Variants in SPATA31D1 observed in about 807,000 individuals in gnomAD.
SPATA31D1 encodes SPATA31 subfamily D member 1, also known as spermatogenesis-associated protein 31D1.
Under a neutral mutation model 13.2 loss-of-function variants are expected in SPATA31D1, and 6 were observed. That is an observed-to-expected ratio of 0.46 (90% CI 0.25 to 0.90). The LOEUF (loss-of-function observed/expected upper bound fraction) is 0.90, where lower values mean the gene tolerates loss of function less well. Ranked by LOEUF, SPATA31D1 falls within the 40% of genes least tolerant of loss-of-function variation. The pLI is 0.18. For synonymous variants in SPATA31D1, 903 were observed against 718.8 expected (o/e 1.26, Z -4.10); for missense variants, 2,445 against 1,884.7 (o/e 1.30, Z -5.50).
rs1824951490 is a variant in SPATA31D1, at chr9:81,991,200, C to G, written c.730C>G (p.Pro244Ala). ...AGACCATTCCCCACCCCAACAGCTT[C>G]CCTTTCCCCTTCTCCCACCACATCA... ...PIDHSPPQQL[P>A]FPLLPPHHIE... Residue 244 changes from proline to alanine, a missense_variant, in exon 4 of 4, where the codon CCC (proline) becomes GCC (alanine). Pro to Ala is a conservative substitution (Grantham distance 27). Transcript: ENST00000344803. The G allele has an allele frequency of 6.2e-7, 1 of 1,613,990 alleles. No individual in the cohort carries two copies. The highest frequency in any genetic ancestry group is 2.2e-5 in the East Asian group (1 of 44,860).
chr9:81,987,937 A>G (rs1253959302), upstream of SPATA31D1, among the ~76,000 whole-genome samples: 2 of 152,218 alleles, frequency 1.3e-5, no homozygotes, highest in African/African-American at 4.8e-5. Flanking sequence ...AATTTCTGCC[A>G]CGTTTCAACC....
chr9:81,993,642 C>G lies in SPATA31D1; in HGVS notation c.3172C>G (p.Gln1058Glu), dbSNP rs1298790516. Residue 1058 changes from glutamine to glutamate, a missense_variant, in exon 4 of 4, where the codon CAA (glutamine) becomes GAA (glutamate). Physicochemically the swap from Gln to Glu is conservative, Grantham distance 29. Coordinates refer to ENST00000344803, the MANE Select transcript of SPATA31D1 (RefSeq NM_001001670.3). Reference sequence around the variant, plus strand: ...TTACCTTGTCACTTCACCTGTCAACCAAGAAAAGCAGGGGACCCTGAGAAG... The same window carrying G: ...TTACCTTGTCACTTCACCTGTCAACGAAGAAAAGCAGGGGACCCTGAGAAG... ...HSYLVTSPVN[Q>E]EKQGTLRREF... 3 of 1,613,958 alleles carry G rather than the reference C, an allele frequency of 1.9e-6. No homozygotes were observed. Among genetic ancestry groups the G allele is most frequent in the Non-Finnish European group, 2.5e-6 (3 of 1,179,864 alleles).
rs1191132874 is a variant in SPATA31D1, at chr9:81,990,626, G to C, written c.302+140G>C. 4 of 1,327,480 alleles carry C rather than the reference G, an allele frequency of 3.0e-6. No homozygotes were observed. The African/African-American group carries it at 5.9e-5, about 20-fold the overall frequency. 82.2% of individuals were successfully genotyped at this position (1,327,480 alleles called of 1,614,324 possible). A position where few individuals can be genotyped will look rare whatever the true frequency, so the allele number is the denominator to read the frequency against. On this transcript the variant is annotated intron_variant, in intron 3 of 3. Coordinates refer to ENST00000344803, the MANE Select transcript of SPATA31D1 (RefSeq NM_001001670.3). ...TAGGAATGGGTATGTGAATGAATGT[G>C]TTGGGGAGAGGCTATAGTGAGGTCA...
chr9:81,993,215 G>A lies in SPATA31D1; in HGVS notation c.2745G>A (p.Leu915=), dbSNP rs932613666. 5 of 1,613,850 alleles carry A rather than the reference G, an allele frequency of 3.1e-6. No homozygotes were observed. The Admixed American group carries it at 8.3e-5, about 27-fold the overall frequency. ...AHIKTFRMRM[L]WGLPLKVLES... ...TTAAAACTTTCCGTATGAGGATGCT[G>A]TGGGGCCTTCCCCTCAAGGTCCTTG... The change falls in exon 4 of 4, where the codon CTG becomes CTA. Residue 915 remains leucine, a synonymous_variant. Coordinates refer to ENST00000344803, the MANE Select transcript of SPATA31D1 (RefSeq NM_001001670.3).
Position 81,992,987 on chromosome 9 carries a change from G to A in SPATA31D1, c.2517G>A (p.Glu839=). The A allele has an allele frequency of 6.2e-7, 1 of 1,613,780 alleles. No individual in the cohort carries two copies. Among genetic ancestry groups the A allele is most frequent in the Non-Finnish European group, 8.5e-7 (1 of 1,179,726 alleles). ...CAGTACGTTTGAGCAAGAAATTTGA[G>A]GAAATCAATGAGGGTCGAATGCCTG... is the stretch of plus-strand genomic sequence containing the variant. ...ALTVRLSKKF[E]EINEGRMPGT... Residue 839 remains glutamate (E), a synonymous_variant, in exon 4 of 4, where the codon GAG becomes GAA. Coordinates refer to ENST00000344803, the MANE Select transcript of SPATA31D1 (RefSeq NM_001001670.3).
At chr9:81,989,194 C>A (rs1403410677) in intron 1 of SPATA31D1, among the ~76,000 whole-genome samples, 190 bp downstream of exon 1, 1 of 152,172 alleles carries the variant, frequency 6.6e-6, no homozygotes, top group Non-Finnish European at 1.5e-5. Context: ...ACTAAGGTTT[C>A]CATCTGAAGC....
Position 81,994,402 on chromosome 9 carries a change from T to G in SPATA31D1, c.3932T>G (p.Leu1311Arg). 1 of 1,613,912 alleles carries G rather than the reference T, an allele frequency of 6.2e-7. No homozygotes were observed. Among genetic ancestry groups the G allele is most frequent in the Non-Finnish European group, 8.5e-7 (1 of 1,179,852 alleles). Residue 1311 changes from leucine (L) to arginine (R), a missense_variant, in exon 4 of 4, where the codon CTG becomes CGG. By Grantham distance (102) the Leu-to-Arg change is moderately radical (BLOSUM62 -2). Transcript: ENST00000344803. ...GGELDGGDAG[L>R]GTSQRRRKSL... ...GAGCTTGATGGAGGGGATGCAGGGC[T>G]GGGGACATCCCAACGCAGGAGAAAG...
Position 81,993,797 on chromosome 9 carries a change from T to TA in SPATA31D1, c.3328dup (p.Arg1110LysfsTer16), listed in dbSNP as rs1250372603. 6.2e-7 allele frequency: 1 copy of TA among 1,613,868 alleles called. No homozygotes were observed. Among genetic ancestry groups the TA allele is most frequent in the Non-Finnish European group, 8.5e-7 (1 of 1,179,886 alleles). ...GTCAGAAACAGACTGTACTGGCCAG[T>TA]AGATGCAGCGCAGAGCTGCCCATAA... is the stretch of plus-strand genomic sequence containing the variant. On this transcript the variant is annotated frameshift_variant, in exon 4 of 4. Transcript: ENST00000344803. LOFTEE classifies it low-confidence loss of function (END_TRUNC).
At chr9:81,987,833 C>T (rs1293033393), upstream of SPATA31D1, among the ~76,000 whole-genome samples, 2 of 152,112 alleles carry the variant, frequency 1.3e-5, no homozygotes, top group African/African-American at 4.8e-5. Flanking sequence ...AAAACTCTCC[C>T]TGCTTCTGAG....
chr9:81,992,052 A>T lies in SPATA31D1; in HGVS notation c.1582A>T (p.Met528Leu). 1 of 1,613,680 alleles carries T rather than the reference A, an allele frequency of 6.2e-7. No individual in the cohort carries two copies. The change falls in exon 4 of 4, where the codon ATG becomes TTG. Residue 528 changes from methionine to leucine, a missense_variant. Met to Leu is a conservative substitution (Grantham distance 15). Coordinates refer to ENST00000344803, the MANE Select transcript of SPATA31D1 (RefSeq NM_001001670.3). ...TCTTGTCCAACGTGGCCATTCCTCC[A>T]TGTTTGTATTCTTCAATGGCATTAC... ...TVLVQRGHSS[M>L]FVFFNGITNT...
At position 81,995,224 on chromosome 9, in the gene SPATA31D1, G is replaced by C. The variant is rs1825074831; in HGVS notation, c.*23G>C. On this transcript the variant is annotated 3_prime_UTR_variant, in exon 4 of 4. Transcript: ENST00000344803. ...TAATTCACTCCTTGTTGAGAATCTT[G>C]ATTCTCCCCAATAAATGTTCCAATA... 1.4e-6 allele frequency: 2 copies of C among 1,480,500 alleles called. No homozygotes were observed. The highest frequency in any genetic ancestry group is 1.3e-5 in the South Asian group (1 of 75,838). 91.7% of individuals were successfully genotyped at this position (1,480,500 alleles called of 1,614,324 possible). A position where few individuals can be genotyped will look rare whatever the true frequency, so the allele number is the denominator to read the frequency against.
chr9:81,990,203 G>C (rs1379509551), intron 2 of SPATA31D1: 3 of 533,960 alleles, frequency 5.6e-6, no homozygotes, highest in Non-Finnish European at 9.9e-6. Context: ...GTTTCACGTG[G>C]TGGTTTTGAG....
Position 81,994,445 on chromosome 9 carries a change from CAA to C in SPATA31D1, c.3976_3977del (p.Lys1326AspfsTer21). 6.2e-7 allele frequency: 1 copy of C among 1,613,578 alleles called. No homozygotes were observed. Among genetic ancestry groups the C allele is most frequent in the Non-Finnish European group, 8.5e-7 (1 of 1,179,688 alleles). On this transcript the variant is annotated frameshift_variant, in exon 4 of 4. Transcript: ENST00000344803. LOFTEE classifies it low-confidence loss of function (END_TRUNC). ...GGAGAAAGAGCCTCCCTGTTCATAA[CAA>C]GACATCAGGGGAGGTGCTTGGGAGC... ...RRRKSLPVHN[K>X]TSGEVLGSKS...
At chr9:81,990,336 A>G in intron 2 of SPATA31D1, 81 bp from the exon 3 acceptor site, 1 of 1,027,288 alleles carries the variant, frequency 9.7e-7, no homozygotes, top group East Asian at 2.6e-5. Flanking sequence ...CTCAGAGTTT[A>G]ATATCCCAAG....
chr9:81,994,495 C>A lies in SPATA31D1; in HGVS notation c.4025C>A (p.Thr1342Lys). The A allele has an allele frequency of 6.2e-7, 1 of 1,613,482 alleles. No individual in the cohort carries two copies. The highest frequency in any genetic ancestry group is 8.5e-7 in the Non-Finnish European group (1 of 1,179,666). ...LGSKSSPTLKTQPPPENLFRK... is the reference protein window; with the variant it reads ...LGSKSSPTLKKQPPPENLFRK... The stretch of plus-strand genomic sequence containing the variant: ...AGCAAATCTTCCCCAACCTTGAAAA[C>A]ACAGCCTCCTCCTGAAAACCTTTTC... Residue 1342 changes from threonine (T) to lysine (K), a missense_variant, in exon 4 of 4, where the codon ACA (threonine) becomes AAA (lysine). By Grantham distance (78) the Thr-to-Lys change is moderately conservative. Transcript: ENST00000344803.
upstream of SPATA31D1, among the ~76,000 whole-genome samples, chr9:81,987,678 C>T (rs1824879725): frequency 6.6e-6 from 1 of 152,056 alleles, no homozygotes; most frequent in South Asian, 2.1e-4. Context: ...TTATTGTACA[C>T]TTATTTTTGT....
At position 81,994,529 on chromosome 9, in the gene SPATA31D1, G is replaced by C; in HGVS notation, c.4059G>C (p.Trp1353Cys). Reference protein sequence around the residue: ...QPPPENLFRKWMKTSLQWFNK... With the variant: ...QPPPENLFRKCMKTSLQWFNK... ...CTCCTGAAAACCTTTTCAGAAAATG[G>C]ATGAAGACCTCTTTGCAGTGGTTTA... is the stretch of plus-strand genomic sequence containing the variant. The change falls in exon 4 of 4, where the codon TGG becomes TGC. Residue 1353 changes from tryptophan (W) to cysteine (C), a missense_variant. Coordinates refer to ENST00000344803, the MANE Select transcript of SPATA31D1 (RefSeq NM_001001670.3). 1 of 1,613,470 alleles carries C rather than the reference G, an allele frequency of 6.2e-7. No homozygotes were observed. Among genetic ancestry groups the C allele is most frequent in the Non-Finnish European group, 8.5e-7 (1 of 1,179,658 alleles).
rs1825055897 is a variant in SPATA31D1 at position 81,994,568 on chromosome 9, A to G, written c.4098A>G (p.Ile1366Met). ...TSLQWFNKPS[I>M]SYEEQESSWE... ...TGCAGTGGTTTAATAAACCCAGCAT[A>G]TCATATGAAGAACAAGAAAGTTCCT... The change falls in exon 4 of 4, where the codon ATA becomes ATG. Residue 1366 changes from isoleucine to methionine, a missense_variant. Ile to Met is a conservative substitution (Grantham distance 10, BLOSUM62 1). Coordinates refer to ENST00000344803, the MANE Select transcript of SPATA31D1 (RefSeq NM_001001670.3). The G allele has an allele frequency of 1.2e-6, 2 of 1,613,166 alleles. No individual in the cohort carries two copies. The highest frequency in any genetic ancestry group is 8.5e-7 in the Non-Finnish European group (1 of 1,179,494).
chr9:81,993,062 T>G lies in SPATA31D1; in HGVS notation c.2592T>G (p.Pro864=), dbSNP rs763232131. ...CAGTCAAGCAGACAATGTCTCTTCC[T>G]GAGAAATCCCACAGCCAAATTAAAC... is the stretch of plus-strand genomic sequence containing the variant. ...WHSVKQTMSL[P]EKSHSQIKHR... Residue 864 remains proline (P), a synonymous_variant, in exon 4 of 4, where the codon CCT becomes CCG. Transcript: ENST00000344803. The G allele has an allele frequency of 1.9e-6, 3 of 1,613,832 alleles. No homozygotes were observed. Among genetic ancestry groups the G allele is most frequent in the Non-Finnish European group, 2.5e-6 (3 of 1,179,750 alleles).
Sources: gnomAD v4.1 joint callset for allele counts (sites outside exome capture counted in the v4.1 genomes callset) on GRCh38, gnomAD v4.1.1 for gene constraint, MANE v1.5 for transcripts, NCBI Gene and HGNC (gene_info 2026-07-23, HGNC 2026-07-21) for gene names.